Variants in EHBP1 observed in about 807,000 individuals in gnomAD.
EHBP1 encodes the protein EH domain-binding protein 1.
EHBP1 carries 55 observed loss-of-function variants against 144.0 expected under a neutral mutation model. The observed-to-expected ratio is 0.38, with a 90% CI of 0.31 to 0.48. EHBP1 has a LOEUF of 0.48. Among genes scored for constraint, EHBP1 ranks in the 20% least tolerant of loss-of-function variants. The pLI is 0.98. For missense variants in EHBP1, 1,200 were observed against 1,364.2 expected, an observed-to-expected ratio of 0.88 and a Z score of 1.90; for synonymous variants, 469 against 472.7, an observed-to-expected ratio of 0.99 and a Z score of 0.10.
At chr2:62,717,629 T>C (rs1047763985) in intron 2 of EHBP1, among the ~76,000 whole-genome samples, 1 of 152,242 alleles carries the variant, frequency 6.6e-6, no homozygotes, top group Non-Finnish European at 1.5e-5. Context: ...TGATTTTCTT[T>C]AGTAAGTTTG....
intron 10 of EHBP1, among the ~76,000 whole-genome samples, chr2:62,909,339 C>T (rs758831721): frequency 2.0e-5 from 3 of 152,086 alleles, no homozygotes; most frequent in African/African-American, 4.8e-5. Context: ...CATGCCACCA[C>T]GCCTGGTTAA....
chr2:62,808,415 C>T (rs1009660215), intron 5 of EHBP1, among the ~76,000 whole-genome samples: 1 of 151,908 alleles, frequency 6.6e-6, no homozygotes, highest in East Asian at 1.9e-4. Flanking sequence ...TACTAATAAG[C>T]CCATCAAAGG....
At chr2:62,785,848 A>G (rs1026551828) in intron 5 of EHBP1, among the ~76,000 whole-genome samples, 3 of 152,118 alleles carry the variant, frequency 2.0e-5, no homozygotes, top group Non-Finnish European at 2.9e-5. Context: ...CAGGACATAT[A>G]TAACTCCTTG....
intron 3 of EHBP1, among the ~76,000 whole-genome samples, chr2:62,754,828 T>C (rs1353572371): frequency 3.3e-5 from 5 of 152,130 alleles, no homozygotes; most frequent in Admixed American, 3.3e-4. Flanking sequence ...TTTGCTAAGA[T>C]TGTTGGGAAA....
intron 19 of EHBP1, among the ~76,000 whole-genome samples, chr2:63,027,387 A>G (rs1158204066): frequency 1.3e-5 from 2 of 152,218 alleles, no homozygotes; most frequent in East Asian, 3.8e-4. Flanking sequence ...TCAAGTGAAG[A>G]GAATGGTTCT....
In EHBP1 at chr2:62,715,207, C is replaced by T. The variant is rs192576093; in HGVS notation, c.104+7912C>T. Among the ~76,000 whole-genome samples, 134 of 152,196 alleles carry T rather than the reference C, an allele frequency of 8.8e-4. 1 individual carries two copies. Among genetic ancestry groups the T allele is most frequent in the South Asian group, 4.6e-3 (22 of 4,810 alleles). On this transcript the variant is annotated intron_variant, in intron 2 of 22. Coordinates refer to ENST00000431489, the MANE Select transcript of EHBP1 (RefSeq NM_001142616.3). Reference sequence around the variant, plus strand: ...TTGGCTCACTGCAGCCTCCACCTCCCGGGTTCAAGCAATTCTTCTGCCTCG... The same window carrying T: ...TTGGCTCACTGCAGCCTCCACCTCCTGGGTTCAAGCAATTCTTCTGCCTCG...
At chr2:62,940,161 A>T (rs570412902) in intron 10 of EHBP1, 28 of 393,038 alleles carry the variant, frequency 7.1e-5, no homozygotes, top group Non-Finnish European at 1.1e-4. Context: ...AAGACATGGA[A>T]TCACTCCCAG....
chr2:62,882,774 C>CA (rs2051570234), intron 10 of EHBP1, among the ~76,000 whole-genome samples: 1 of 151,948 alleles, frequency 6.6e-6, no homozygotes, highest in African/African-American at 2.4e-5. Flanking sequence ...CCCAGCTACT[C>CA]AGGAGGCTGA....
At chr2:63,002,936 AAC>A (rs2059905510) in intron 19 of EHBP1, among the ~76,000 whole-genome samples, 5 of 152,082 alleles carry the variant, frequency 3.3e-5, no homozygotes, top group Admixed American at 3.3e-4. Flanking sequence ...GGGATCATGT[AAC>A]TATTTTATAC....
intron 7 of EHBP1, 30 bp from the exon 8 acceptor site, chr2:62,859,139 T>C (rs2049307587): frequency 6.3e-7 from 1 of 1,582,308 alleles, no homozygotes; most frequent in East Asian, 2.3e-5. Context: ...TTAACCATAA[T>C]AGGGAACTAA....
chr2:62,856,498 G>T (rs1304748725), intron 7 of EHBP1, among the ~76,000 whole-genome samples: 2 of 152,188 alleles, frequency 1.3e-5, no homozygotes, highest in African/African-American at 4.8e-5. Flanking sequence ...ACAGTGGCTA[G>T]ACCCCACACT....
chr2:62,779,639 T>C (rs1467677329), intron 5 of EHBP1, among the ~76,000 whole-genome samples: 1 of 152,212 alleles, frequency 6.6e-6, no homozygotes, highest in Non-Finnish European at 1.5e-5. Context: ...TTCTCAACCA[T>C]GTTCTTTTCT....
At chr2:62,990,260 ATC>A (rs1200581513) in intron 15 of EHBP1, among the ~76,000 whole-genome samples, 1 of 152,164 alleles carries the variant, frequency 6.6e-6, no homozygotes, top group Non-Finnish European at 1.5e-5. Context: ...CATGATGATG[ATC>A]TGAGATAATG....
At chr2:62,917,068 C>T (rs57127049) in intron 10 of EHBP1, among the ~76,000 whole-genome samples, 4 of 152,164 alleles carry the variant, frequency 2.6e-5, no homozygotes, top group African/African-American at 9.6e-5. Flanking sequence ...CACATTTACA[C>T]AAAGCTAGAT....
At chr2:62,754,369 G>T (rs1437565408) in intron 3 of EHBP1, among the ~76,000 whole-genome samples, 1 of 152,194 alleles carries the variant, frequency 6.6e-6, no homozygotes, top group Non-Finnish European at 1.5e-5. Context: ...TCTCAGAGGG[G>T]TACCTGGCCG....
At chr2:62,952,410 G>A (rs1050866746) in intron 13 of EHBP1, among the ~76,000 whole-genome samples, 2 of 152,158 alleles carry the variant, frequency 1.3e-5, no homozygotes, top group Non-Finnish European at 2.9e-5. Context: ...AATAGATAGT[G>A]TATTAGAGTT....
At chr2:62,700,788 G>A (rs2151761996), upstream of EHBP1, among the ~76,000 whole-genome samples, 1 of 152,222 alleles carries the variant, frequency 6.6e-6, no homozygotes, top group South Asian at 2.1e-4. Flanking sequence ...GTTCCAAGTG[G>A]CTCATGGCTA....
At chr2:62,924,086 C>G (rs1001361058) in intron 10 of EHBP1, among the ~76,000 whole-genome samples, 1 of 152,152 alleles carries the variant, frequency 6.6e-6, no homozygotes, top group Non-Finnish European at 1.5e-5. Flanking sequence ...CCCCAGCAAA[C>G]ATGCCTTTAG....
intron 15 of EHBP1, among the ~76,000 whole-genome samples, chr2:62,983,013 C>T (rs1297721626): frequency 6.6e-6 from 1 of 152,192 alleles, no homozygotes; most frequent in Non-Finnish European, 1.5e-5. Flanking sequence ...TCACACCTCT[C>T]CTAGCAGCCA....
Sources: allele counts gnomAD v4.1 joint callset (sites outside exome capture counted in the v4.1 genomes callset), GRCh38; gene constraint gnomAD v4.1.1; transcripts MANE v1.5; gene names NCBI Gene and HGNC (gene_info 2026-07-23, HGNC 2026-07-21).